The following GABRB2 variants were observed in gnomAD, a reference collection of about 807,000 sequenced individuals.
GABRB2 encodes the protein gamma-aminobutyric acid receptor subunit beta-2.
Under a neutral mutation model 54.7 loss-of-function variants are expected in GABRB2, and 16 were observed. The ratio of observed to expected loss-of-function variants is 0.29; its 90% confidence interval spans 0.20 to 0.44. The LOEUF (loss-of-function observed/expected upper bound fraction) is 0.44, where lower values mean the gene tolerates loss of function less well. GABRB2 is among the 20% of genes least tolerant of loss of function. GABRB2 has a pLI of 1.00. For synonymous variants in GABRB2, 244 were observed against 233.8 expected, an observed-to-expected ratio of 1.04 and a Z score of -0.40; for missense variants, 355 against 644.0, an observed-to-expected ratio of 0.55 and a Z score of 4.86.
intron 5 of GABRB2, among the ~76,000 whole-genome samples, chr5:161,381,905 T>C (rs868245494): frequency 6.6e-6 from 1 of 152,196 alleles, no homozygotes; most frequent in African/African-American, 2.4e-5. Context: ...ATGATATTTA[T>C]ATACACAGTA....
At chr5:161,321,291 C>T (rs974992757) in intron 9 of GABRB2, among the ~76,000 whole-genome samples, 7 of 152,064 alleles carry the variant, frequency 4.6e-5, no homozygotes, top group Non-Finnish European at 1.0e-4. Flanking sequence ...CTCCTCTCTC[C>T]TCAAAAATAC....
At chr5:161,461,622 G>A (rs1758120808) in intron 3 of GABRB2, among the ~76,000 whole-genome samples, 1 of 152,168 alleles carries the variant, frequency 6.6e-6, no homozygotes, top group African/African-American at 2.4e-5. Flanking sequence ...TGGGTACAAT[G>A]TAATTGCTCT....
At chr5:161,526,564 A>C (rs1760287536) in intron 3 of GABRB2, among the ~76,000 whole-genome samples, 1 of 151,060 alleles carries the variant, frequency 6.6e-6, no homozygotes, top group African/African-American at 2.4e-5. Flanking sequence ...ACATTCAAAG[A>C]AGTTTTTTTT....
At chr5:161,355,516 G>A (rs891078169) in intron 5 of GABRB2, among the ~76,000 whole-genome samples, 1 of 151,534 alleles carries the variant, frequency 6.6e-6, no homozygotes, top group African/African-American at 2.4e-5. Flanking sequence ...CATAGGCATT[G>A]CATATATATA....
At chr5:161,540,729 A>G (rs1439409430) in intron 3 of GABRB2, among the ~76,000 whole-genome samples, 1 of 152,202 alleles carries the variant, frequency 6.6e-6, no homozygotes, top group Non-Finnish European at 1.5e-5. Context: ...GCATGAAAAC[A>G]GCATTAATCT....
chr5:161,291,651 T>C lies in GABRB2; in HGVS notation c.*2430A>G, dbSNP rs1171885063. ...GCTTTTGAGGCTCAAGCTGCAAAGA[T>C]GCTTCTCTACACTTTGATCTGGATT... On this transcript the variant is annotated 3_prime_UTR_variant, in exon 10 of 10. Coordinates refer to ENST00000393959, the MANE Select transcript of GABRB2 (RefSeq NM_001371727.1). 6.6e-6 allele frequency: 1 copy of C among 152,628 alleles called. No individual in the cohort carries two copies. Among genetic ancestry groups the C allele is most frequent in the Admixed American group, 6.6e-5 (1 of 15,266 alleles). The allele number at this position is 152,628 out of a possible 1,614,324, so 9.5% of individuals were successfully genotyped here.
chr5:161,395,356 C>A (rs1755962239), intron 5 of GABRB2, among the ~76,000 whole-genome samples: 1 of 152,068 alleles, frequency 6.6e-6, no homozygotes, highest in Non-Finnish European at 1.5e-5. Context: ...AAATGATTAA[C>A]AAACATGATT....
intron 9 of GABRB2, among the ~76,000 whole-genome samples, chr5:161,294,786 T>G (rs566285138): frequency 1.3e-5 from 2 of 152,324 alleles, no homozygotes; most frequent in African/African-American, 4.8e-5. Flanking sequence ...ACATAAAAAT[T>G]AAGCTGTGCT....
intron 5 of GABRB2, among the ~76,000 whole-genome samples, chr5:161,353,553 A>T (rs777044291): frequency 6.6e-6 from 1 of 152,038 alleles, no homozygotes; most frequent in Non-Finnish European, 1.5e-5. Context: ...TGTTTAGGTG[A>T]GGTGTGCAAG....
chr5:161,408,102 A>T (rs923831177), intron 5 of GABRB2, among the ~76,000 whole-genome samples: 1 of 151,976 alleles, frequency 6.6e-6, no homozygotes, highest in African/African-American at 2.4e-5. Context: ...GCATGTATTG[A>T]CTTAAATTAG....
rs545258163 is a variant in GABRB2, at chr5:161,401,989, A to T, written c.541+8986T>A. ...TATGCCTCCTGTAAATGGGGCATTA[A>T]ATTTTTAGTTTTACTTAAGTTTAAT... On this transcript the variant is annotated intron_variant, in intron 5 of 9. Transcript: ENST00000393959. Among the ~76,000 whole-genome samples, 4 of 152,130 alleles carry T rather than the reference A, an allele frequency of 2.6e-5. No homozygotes were observed. In the East Asian group the frequency reaches 5.8e-4, roughly 22 times the overall value.
chr5:161,441,641 T>C (rs1444501826), intron 4 of GABRB2, among the ~76,000 whole-genome samples: 4 of 152,160 alleles, frequency 2.6e-5, no homozygotes, highest in African/African-American at 9.7e-5. Flanking sequence ...ATCAAATAGA[T>C]TTCTGTACTC....
At chr5:161,436,945 G>A (rs1224030853) in intron 4 of GABRB2, among the ~76,000 whole-genome samples, 1 of 152,044 alleles carries the variant, frequency 6.6e-6, no homozygotes, top group Admixed American at 6.6e-5. Context: ...ATTTAAACCA[G>A]CCCTAGCCAG....
At chr5:161,437,762 G>A (rs1194558856) in intron 4 of GABRB2, among the ~76,000 whole-genome samples, 1 of 152,130 alleles carries the variant, frequency 6.6e-6, no homozygotes, top group Non-Finnish European at 1.5e-5. Flanking sequence ...TAGTCTGGCA[G>A]TACTCCTCAT....
intron 6 of GABRB2, among the ~76,000 whole-genome samples, chr5:161,336,101 G>A (rs1425823321): frequency 6.6e-6 from 1 of 152,156 alleles, no homozygotes; most frequent in African/African-American, 2.4e-5. Context: ...TAAGGGTGAA[G>A]ATGGCAAAGG....
intron 9 of GABRB2, among the ~76,000 whole-genome samples, chr5:161,303,585 G>T (rs1361867117): frequency 6.6e-6 from 1 of 152,086 alleles, no homozygotes; most frequent in Non-Finnish European, 1.5e-5. Context: ...CAGATATGTG[G>T]AGTACAAAGA....
chr5:161,291,627 C>G lies in GABRB2; in HGVS notation c.*2454G>C, dbSNP rs1421831510. ...GCAGAAATGAATTCCTGGTTTTATG[C>G]TTTTGAGGCTCAAGCTGCAAAGATG... On this transcript the variant is annotated 3_prime_UTR_variant, in exon 10 of 10. Transcript: ENST00000393959. 2 of 152,528 alleles carry G rather than the reference C, an allele frequency of 1.3e-5. No homozygotes were observed. Among genetic ancestry groups the G allele is most frequent in the African/African-American group, 4.8e-5 (2 of 41,426 alleles). The allele number at this position is 152,528 out of a possible 1,614,324, so 9.4% of individuals were successfully genotyped here.
chr5:161,368,116 G>GACACACGCACAC (rs1755023516), intron 5 of GABRB2, among the ~76,000 whole-genome samples: 1 of 144,916 alleles, frequency 6.9e-6, no homozygotes, highest in African/African-American at 2.5e-5. Context: ...CTCCCTCTCT[G>GACACACGCACAC]ACACACACAC....
intron 4 of GABRB2, among the ~76,000 whole-genome samples, chr5:161,455,237 G>A (rs990149492): frequency 6.8e-6 from 1 of 146,142 alleles, no homozygotes; most frequent in Non-Finnish European, 1.5e-5. Context: ...AATTTGACAA[G>A]AGTGGTAGCA....
Sources: gnomAD v4.1 joint callset for allele counts (sites outside exome capture counted in the v4.1 genomes callset) on GRCh38, gnomAD v4.1.1 for gene constraint, MANE v1.5 for transcripts, NCBI Gene and HGNC (gene_info 2026-07-23, HGNC 2026-07-21) for gene names.